Variants in UGT2B7 observed in about 807,000 individuals in gnomAD.
UGT2B7 encodes the protein UDP-glucuronosyltransferase 2B7.
In UGT2B7, 51 loss-of-function variants were observed where a neutral mutation model predicts 51.9. The ratio of observed to expected loss-of-function variants is 0.98; its 90% CI spans 0.78 to 1.24. UGT2B7 has a LOEUF of 1.24. Among genes scored for constraint, UGT2B7 ranks in the 50% most tolerant of loss-of-function variants. UGT2B7 has a pLI of 0.00. For synonymous variants in UGT2B7, 225 were observed against 211.6 expected, an observed-to-expected ratio of 1.06 and a Z score of -0.55; for missense variants, 727 against 628.4, an observed-to-expected ratio of 1.16 and a Z score of -1.68.
intron 2 of UGT2B7, among the ~76,000 whole-genome samples, chr4:69,089,893 T>G (rs1719047263): frequency 1.3e-5 from 2 of 152,160 alleles, no homozygotes; most frequent in South Asian, 4.1e-4. Flanking sequence ...TTAAGTCCTG[T>G]GCTGACTACT....
At chr4:69,082,869 G>C (rs1718868691) in intron 1 of UGT2B7, among the ~76,000 whole-genome samples, 1 of 152,002 alleles carries the variant, frequency 6.6e-6, no homozygotes, top group South Asian at 2.1e-4. Flanking sequence ...AGCTAAAGAG[G>C]GGAAGTCAAT....
Position 69,087,470 on chromosome 4 carries a change from T to C in UGT2B7, c.-158-2002T>C, listed in dbSNP as rs538233278. On this transcript the variant is annotated intron_variant, in intron 1 of 5. Coordinates refer to the UGT2B7 transcript ENST00000502942. ...ATGATAAAGATATAAATGGCTTATA[T>C]ACCACAATTATAGTATTAGAGTATT... Among the ~76,000 whole-genome samples, 57 of 152,134 alleles carry C rather than the reference T, an allele frequency of 3.7e-4. 1 individual carries two copies. The South Asian group carries it at 0.012, about 31-fold the overall frequency.
At chr4:69,090,700 G>A (rs7677390) in intron 2 of UGT2B7, among the ~76,000 whole-genome samples, 27,854 of 152,018 alleles carry the variant, frequency 0.18, 2,711 homozygotes, top group East Asian at 0.39. Flanking sequence ...TTTTGGCGGG[G>A]ACACAGATAA....
intron 1 of UGT2B7, among the ~76,000 whole-genome samples, chr4:69,097,560 T>G (rs1719284288): frequency 6.6e-6 from 1 of 152,102 alleles, no homozygotes; most frequent in South Asian, 2.1e-4. Flanking sequence ...GTAAAATCCA[T>G]CAAATAACTT....
At chr4:69,112,362 A>T (rs1321034532) in intron 5 of UGT2B7, 95 bp from the exon 6 acceptor site, 2 of 1,483,264 alleles carry the variant, frequency 1.3e-6, no homozygotes, top group Non-Finnish European at 1.8e-6. Context: ...CGATGCTCCC[A>T]GCCGAATAAA....
chr4:69,111,176 C>T (rs1719760887), intron 5 of UGT2B7, among the ~76,000 whole-genome samples: 1 of 151,952 alleles, frequency 6.6e-6, no homozygotes, highest in Non-Finnish European at 1.5e-5. Context: ...AAATAGAAGG[C>T]CAATCTAGAA....
chr4:69,075,338 C>T (rs1718679903), intron 1 of UGT2B7, among the ~76,000 whole-genome samples: 1 of 152,076 alleles, frequency 6.6e-6, no homozygotes, highest in South Asian at 2.1e-4. Context: ...AGTACATTAT[C>T]TCTGTCTCTG....
chr4:69,081,806 A>T (rs1246835105), intron 1 of UGT2B7, among the ~76,000 whole-genome samples: 1 of 152,126 alleles, frequency 6.6e-6, no homozygotes, highest in Non-Finnish European at 1.5e-5. Context: ...ATCACACATC[A>T]TAATATTCTT....
Position 69,107,138 on chromosome 4 carries a change from C to T in UGT2B7, c.1003-37C>T, listed in dbSNP as rs777953295. On this transcript the variant is annotated intron_variant, in intron 3 of 5. Coordinates refer to ENST00000305231, the MANE Select transcript of UGT2B7 (RefSeq NM_001074.4). ...TCTCACATTCTATAACTTTTGAATT[C>T]CACTCATGGAATAAAATATTTTCTT... The T allele has an allele frequency of 5.3e-5, 85 of 1,589,198 alleles. 2 individuals carry two copies. The South Asian group carries it at 9.2e-4, about 17-fold the overall frequency.
chr4:69,102,243 G>C (rs1260349647), intron 2 of UGT2B7, among the ~76,000 whole-genome samples: 1 of 152,084 alleles, frequency 6.6e-6, no homozygotes, highest in African/African-American at 2.4e-5. Flanking sequence ...CAAACTTTAA[G>C]TGAAGTATAA....
chr4:69,052,939 A>G (rs1718075410), intron 1 of UGT2B7, among the ~76,000 whole-genome samples: 2 of 152,196 alleles, frequency 1.3e-5, no homozygotes, highest in Admixed American at 1.3e-4. Context: ...AAGTTTAAGC[A>G]AGTTTTAAAA....
At chr4:69,055,684 C>T (rs1046275604) in intron 1 of UGT2B7, among the ~76,000 whole-genome samples, 2 of 152,186 alleles carry the variant, frequency 1.3e-5, no homozygotes, top group African/African-American at 4.8e-5. Context: ...AAAACCGTAA[C>T]AGGAGATCAA....
intron 1 of UGT2B7, among the ~76,000 whole-genome samples, chr4:69,080,028 T>A (rs536664116): frequency 7.0e-6 from 1 of 143,836 alleles, no homozygotes; most frequent in East Asian, 2.1e-4. Context: ...CTGTGAAGTG[T>A]CATTCACTCT....
At chr4:69,092,918 T>A (rs1053776610), upstream of UGT2B7, among the ~76,000 whole-genome samples, 4 of 151,570 alleles carry the variant, frequency 2.6e-5, no homozygotes, top group African/African-American at 9.7e-5. Context: ...CCATTTTTCT[T>A]GATACTTGTT....
At chr4:69,056,185 G>A (rs915302615) in intron 1 of UGT2B7, among the ~76,000 whole-genome samples, 1 of 152,108 alleles carries the variant, frequency 6.6e-6, no homozygotes, top group Non-Finnish European at 1.5e-5. Flanking sequence ...ACAGCCATAG[G>A]TGATTAAAAA....
chr4:69,094,170 C>T (rs1330575299), upstream of UGT2B7, among the ~76,000 whole-genome samples: 4 of 23,038 alleles, frequency 1.7e-4, 1 homozygote, highest in African/African-American at 1.7e-3. Context: ...GACGGAGTCT[C>T]GCTCTGTCGC....
intron 3 of UGT2B7, among the ~76,000 whole-genome samples, chr4:69,106,962 T>C (rs1719619121): frequency 2.6e-5 from 4 of 152,154 alleles, no homozygotes; most frequent in Admixed American, 2.6e-4. Flanking sequence ...TGATTTTTTC[T>C]AAGGTACTAT....
At chr4:69,080,010 T>C (rs1249608689) in intron 1 of UGT2B7, among the ~76,000 whole-genome samples, 1 of 151,582 alleles carries the variant, frequency 6.6e-6, no homozygotes, top group Non-Finnish European at 1.5e-5. Flanking sequence ...TTTTTTTGCA[T>C]TTTTTCCCTG....
intron 3 of UGT2B7, among the ~76,000 whole-genome samples, chr4:69,103,601 G>T (rs975343536): frequency 1.1e-4 from 16 of 152,142 alleles, no homozygotes; most frequent in African/African-American, 2.9e-4. Flanking sequence ...CACAAAAAAC[G>T]TATATCCAGA....
Sources: allele counts gnomAD v4.1 joint callset (sites outside exome capture counted in the v4.1 genomes callset), GRCh38; gene constraint gnomAD v4.1.1; transcripts MANE v1.5; gene names NCBI Gene and HGNC (gene_info 2026-07-23, HGNC 2026-07-21).